LAMC1: variants seen among roughly 807,000 people sequenced by gnomAD.
LAMC1 encodes the protein laminin subunit gamma-1.
In LAMC1, 38 loss-of-function variants were observed where a neutral mutation model predicts 173.6. The ratio of observed to expected loss-of-function variants is 0.22; its 90% confidence interval spans 0.17 to 0.29. The LOEUF is 0.29. LAMC1 is among the 10% of genes least tolerant of loss of function. The pLI is 1.00. For missense variants in LAMC1, 1,824 were observed against 2,051.8 expected (o/e 0.89, Z 2.14); for synonymous variants, 746 against 749.1 (o/e 1.00, Z 0.07).
chr1:183,124,200 G>A (rs934755564), intron 13 of LAMC1, among the ~76,000 whole-genome samples: 3 of 152,202 alleles, frequency 2.0e-5, no homozygotes, highest in African/African-American at 7.2e-5. Context: ...TACATTTTAA[G>A]AGAATGGTTC....
At position 183,134,787 on chromosome 1, in the gene LAMC1, A is replaced by G; in HGVS notation, c.3977A>G (p.Glu1326Gly). 6.2e-7 allele frequency: 1 copy of G among 1,613,614 alleles called. No individual in the cohort carries two copies. The highest frequency in any genetic ancestry group is 8.5e-7 in the Non-Finnish European group (1 of 1,179,910). The change falls in exon 23 of 28, where the codon GAG becomes GGG. Residue 1326 changes from glutamate to glycine, a missense_variant. Transcript: ENST00000258341. The stretch of plus-strand genomic sequence containing the variant: ...GAACTTGAAGTCAAGAACCTTCTGG[A>G]GAAAGGCAAGACTGAACAGCAGGTT... ...GKELEVKNLL[E>G]KGKTEQQTAD...
At chr1:183,061,328 T>C (rs1654741590) in intron 1 of LAMC1, among the ~76,000 whole-genome samples, 2 of 151,856 alleles carry the variant, frequency 1.3e-5, no homozygotes, top group African/African-American at 4.8e-5. Context: ...GGAACAGTTC[T>C]TTCAGTTTTA....
In LAMC1 at chr1:183,079,232, GTTTTT is replaced by G. The variant is rs796732672; in HGVS notation, c.419-24060_419-24056del. Among the ~76,000 whole-genome samples, 222 of 62,680 alleles carry G rather than the reference GTTTTT, an allele frequency of 3.5e-3. 2 individuals are homozygous for G. The highest frequency in any genetic ancestry group is 0.033 in the South Asian group (56 of 1,694). The allele number at this position is 62,680 out of a possible 152,430, so 41.1% of individuals were successfully genotyped here. A position where few individuals can be genotyped will look rare whatever the true frequency, so the allele number is the denominator to read the frequency against. On this transcript the variant is annotated intron_variant, in intron 1 of 27. Transcript: ENST00000258341. ...AAGCAACTTTCTGATCTCTAATCTG[GTTTTT>G]TTTTTTTTTTTTTTTTTTTTTTTTT...
At position 183,140,474 on chromosome 1, in the gene LAMC1, G is replaced by A; in HGVS notation, c.4544G>A (p.Ser1515Asn). 3.1e-6 allele frequency: 5 copies of A among 1,613,448 alleles called. No individual in the cohort carries two copies. The highest frequency in any genetic ancestry group is 4.2e-6 in the Non-Finnish European group (5 of 1,179,664). ...KAKNSVTSLL[S>N]IINDLLEQLG... Reference sequence around the variant, plus strand: ...AAAAACTCTGTTACTAGCCTCCTCAGCATTATTAATGACCTCTTGGAGCAG... The same window carrying A: ...AAAAACTCTGTTACTAGCCTCCTCAACATTATTAATGACCTCTTGGAGCAG... Residue 1515 changes from serine to asparagine, a missense_variant, in exon 27 of 28, where the codon AGC (serine) becomes AAC (asparagine). By Grantham distance (46) the Ser-to-Asn change is conservative. Transcript: ENST00000258341.
chr1:183,026,363 G>GA (rs1425326635), intron 1 of LAMC1, among the ~76,000 whole-genome samples: 3 of 152,142 alleles, frequency 2.0e-5, no homozygotes, highest in Admixed American at 2.0e-4. Flanking sequence ...TGGGAAGGGG[G>GA]AAAGGTTTGT....
intron 1 of LAMC1, 98 bp from the exon 2 acceptor site, chr1:183,103,230 T>G: frequency 8.7e-7 from 1 of 1,143,938 alleles, no homozygotes; most frequent in Non-Finnish European, 1.3e-6. Flanking sequence ...TACAAGGAGA[T>G]TTATATCCTT....
chr1:183,040,286 A>G (rs1158461167), intron 1 of LAMC1, among the ~76,000 whole-genome samples: 1 of 152,152 alleles, frequency 6.6e-6, no homozygotes, highest in African/African-American at 2.4e-5. Flanking sequence ...GGTCCCTTTT[A>G]TGGTGAATAA....
chr1:183,043,621 T>G (rs780332004), intron 1 of LAMC1, among the ~76,000 whole-genome samples: 2 of 152,146 alleles, frequency 1.3e-5, no homozygotes, highest in Non-Finnish European at 2.9e-5. Flanking sequence ...TAACAATATT[T>G]AGAACTACAG....
At chr1:183,041,715 A>G (rs1654137310) in intron 1 of LAMC1, among the ~76,000 whole-genome samples, 1 of 152,190 alleles carries the variant, frequency 6.6e-6, no homozygotes, top group African/African-American at 2.4e-5. Context: ...AGTTCTGGGT[A>G]AAAAAGCATG....
intron 1 of LAMC1, among the ~76,000 whole-genome samples, chr1:183,098,184 A>T (rs1655742720): frequency 6.6e-6 from 1 of 152,144 alleles, no homozygotes; most frequent in African/African-American, 2.4e-5. Flanking sequence ...GGATCTTCTT[A>T]CTTTGTCAAT....
Position 183,023,932 on chromosome 1 carries a change from G to A in LAMC1, c.216G>A (p.Pro72=). Residue 72 remains proline (P), a synonymous_variant, in exon 1 of 28, where the codon CCG becomes CCA. Coordinates refer to ENST00000258341, the MANE Select transcript of LAMC1 (RefSeq NM_002293.4). The part of the protein sequence containing the change: ...TVVATNTCGT[P]PEEYCVQTGV... ...TGGCCACCAACACGTGTGGGACTCC[G>A]CCCGAGGAATACTGTGTGCAGACCG... 1 of 1,613,224 alleles carries A rather than the reference G, an allele frequency of 6.2e-7. No individual in the cohort carries two copies. The highest frequency in any genetic ancestry group is 8.5e-7 in the Non-Finnish European group (1 of 1,179,930).
rs758670600 is a variant in LAMC1, at chr1:183,142,571, G to A, written c.4611G>A (p.Glu1537=). 2 of 1,613,760 alleles carry A rather than the reference G, an allele frequency of 1.2e-6. No homozygotes were observed. The highest frequency in any genetic ancestry group is 1.1e-5 in the South Asian group (1 of 91,020). The change falls in exon 28 of 28, where the codon GAG becomes GAA. Residue 1537 remains glutamate (E), a synonymous_variant. Coordinates refer to ENST00000258341, the MANE Select transcript of LAMC1 (RefSeq NM_002293.4). ...LDTVDLNKLN[E]IEGTLNKAKD... ...CAGTGGACCTGAATAAGCTAAACGA[G>A]ATTGAAGGCACCCTAAACAAAGCCA... is the stretch of plus-strand genomic sequence containing the variant.
chr1:183,045,636 G>A (rs1338260321), intron 1 of LAMC1, among the ~76,000 whole-genome samples: 1 of 151,948 alleles, frequency 6.6e-6, no homozygotes, highest in Non-Finnish European at 1.5e-5. Flanking sequence ...GCTTCTATGG[G>A]CATTCTCACA....
intron 1 of LAMC1, 62 bp downstream of exon 1, chr1:183,024,196 T>G: frequency 1.4e-6 from 2 of 1,457,306 alleles, no homozygotes; most frequent in Non-Finnish European, 1.8e-6. Flanking sequence ...CCGGACCGGC[T>G]CCGTCCCAGT....
intron 1 of LAMC1, among the ~76,000 whole-genome samples, chr1:183,088,137 T>C (rs1383783675): frequency 1.3e-5 from 2 of 152,238 alleles, no homozygotes; most frequent in African/African-American, 4.8e-5. Context: ...TATTAAAGGC[T>C]GCCATATACA....
chr1:183,042,091 C>A (rs532163868), intron 1 of LAMC1, among the ~76,000 whole-genome samples: 7 of 152,196 alleles, frequency 4.6e-5, no homozygotes, highest in African/African-American at 1.7e-4. Flanking sequence ...TAAATAAAAA[C>A]CCAGTTTTAA....
At chr1:183,055,192 G>A (rs531963405) in intron 1 of LAMC1, among the ~76,000 whole-genome samples, 1 of 151,648 alleles carries the variant, frequency 6.6e-6, no homozygotes, top group South Asian at 2.1e-4. Flanking sequence ...GTTTCACCAT[G>A]TTGGCCAGGC....
intron 13 of LAMC1, 104 bp from the exon 14 acceptor site, chr1:183,124,527 T>G (rs1656568065): frequency 7.2e-7 from 1 of 1,389,538 alleles, no homozygotes; most frequent in South Asian, 1.3e-5. Flanking sequence ...CACCATGTCT[T>G]CTCTCATGTG....
chr1:183,109,830 C>T (rs542630222), intron 3 of LAMC1, among the ~76,000 whole-genome samples: 1 of 152,316 alleles, frequency 6.6e-6, no homozygotes, highest in East Asian at 1.9e-4. Flanking sequence ...ATCATACTTG[C>T]ATCTAGGGGA....
Sources: allele counts gnomAD v4.1 joint callset (sites outside exome capture counted in the v4.1 genomes callset), GRCh38; gene constraint gnomAD v4.1.1; transcripts MANE v1.5; gene names NCBI Gene and HGNC (gene_info 2026-07-23, HGNC 2026-07-21).